The following CR2 variants were observed in gnomAD, a reference collection of about 807,000 sequenced individuals.
The protein encoded by CR2 is complement C3d receptor 2, also known as complement receptor type 2.
CR2 carries 96 observed loss-of-function variants against 123.0 expected under a neutral mutation model. The observed-to-expected ratio is 0.78, with a 90% confidence interval of 0.66 to 0.93. The LOEUF (loss-of-function observed/expected upper bound fraction) is 0.93, where lower values mean the gene tolerates loss of function less well. Among genes scored for constraint, CR2 ranks in the 40% least tolerant of loss-of-function variants. CR2 has a pLI of 0.00. For synonymous variants in CR2, 484 were observed against 469.5 expected, an observed-to-expected ratio of 1.03 and a Z score of -0.40; for missense variants, 1,258 against 1,361.0, an observed-to-expected ratio of 0.92 and a Z score of 1.19.
At chr1:207,484,591 C>A (rs1658697824) in intron 18 of CR2, among the ~76,000 whole-genome samples, 2 of 152,210 alleles carry the variant, frequency 1.3e-5, no homozygotes, top group Admixed American at 6.5e-5. Flanking sequence ...TAACATATCT[C>A]CTGTACACGG....
Position 207,489,860 on chromosome 1 carries a change from C to T in CR2, c.*737C>T, listed in dbSNP as rs1289687661. 1 of 151,756 alleles carries T rather than the reference C, an allele frequency of 6.6e-6. No individual in the cohort carries two copies. Among genetic ancestry groups the T allele is most frequent in the African/African-American group, 2.4e-5 (1 of 41,320 alleles). The allele number at this position is 151,756 out of a possible 1,614,324, so 9.4% of individuals were successfully genotyped here. On this transcript the variant is annotated 3_prime_UTR_variant, in exon 20 of 20. Coordinates refer to ENST00000367057, the MANE Select transcript of CR2 (RefSeq NM_001006658.3). ...TTCACTTAATAATGTGTACATTAGTCATTCAATAAATTGTAATTGTAAAGA... is the reference window on the plus strand; with the variant it reads ...TTCACTTAATAATGTGTACATTAGTTATTCAATAAATTGTAATTGTAAAGA...
intron 1 of CR2, among the ~76,000 whole-genome samples, chr1:207,460,640 G>A (rs1657942552): frequency 6.6e-6 from 1 of 151,990 alleles, no homozygotes; most frequent in Non-Finnish European, 1.5e-5. Flanking sequence ...TCAGTTTAGG[G>A]CGTTGAAACT....
intron 1 of CR2, among the ~76,000 whole-genome samples, chr1:207,464,279 A>C (rs1292656766): frequency 1.3e-5 from 2 of 152,242 alleles, no homozygotes; most frequent in East Asian, 3.8e-4. Flanking sequence ...GAATTTCAAC[A>C]AAATAGGTAA....
At chr1:207,469,123 T>C (rs200630015) in intron 4 of CR2, 27 bp from the exon 5 acceptor site, 3 of 1,602,264 alleles carry the variant, frequency 1.9e-6, no homozygotes, top group Non-Finnish European at 2.6e-6. Context: ...TGCCTAATAG[T>C]TCTGAATGAC....
rs1239698434 is a variant in CR2, at chr1:207,479,270, T to C, written c.3102T>C (p.Pro1034=). 1.3e-6 allele frequency: 2 copies of C among 1,598,564 alleles called. No homozygotes were observed. The highest frequency in any genetic ancestry group is 1.7e-6 in the Non-Finnish European group (2 of 1,166,428). ...TACTATTTTTAGGTTCACTTGCTCC[T>C]GTCCTTTGTGGTAAGTCTTCTTAAA... ...LAVCRSRSLA[P]VLCGIAAGLI... is the part of the protein sequence containing the mutation. The change falls in exon 17 of 20, where the codon CCT becomes CCC. Residue 1034 remains proline (P), a synonymous_variant. Transcript: ENST00000367057.
Position 207,469,820 on chromosome 1 carries a change from T to A in CR2, c.943T>A (p.Phe315Ile). 6.2e-7 allele frequency: 1 copy of A among 1,613,978 alleles called. No homozygotes were observed. The highest frequency in any genetic ancestry group is 8.5e-7 in the Non-Finnish European group (1 of 1,179,932). The change falls in exon 6 of 20, where the codon TTC becomes ATC. Residue 315 changes from phenylalanine to isoleucine, a missense_variant. Transcript: ENST00000367057. The stretch of plus-strand genomic sequence containing the variant: ...CCCGGACCCAGAGGAAGGAGTGAAC[T>A]TCATCCTTATTGGAGAGAGCACTCT... Reference protein sequence around the residue: ...CDPDPEEGVNFILIGESTLRC... With the variant: ...CDPDPEEGVNIILIGESTLRC...
rs17617 is a variant in CR2, at chr1:207,480,050, C to A, written c.3185C>A (p.Ala1062Glu). Residue 1062 changes from alanine (A) to glutamate (E), a missense_variant, in exon 18 of 20, where the codon GCA (alanine) becomes GAA (glutamate). Coordinates refer to ENST00000367057, the MANE Select transcript of CR2 (RefSeq NM_001006658.3). ...TTATACGTGATATCAAAACACAGAG[C>A]ACGGTAAGTTCAAAGGCGAATACTT... The part of the protein sequence containing the change: ...ITLYVISKHR[A>E]RNYYTDTSQK... 1,384,090 of 1,608,866 alleles carry A rather than the reference C, an allele frequency of 0.86. 597,269 individuals carry two copies. Among genetic ancestry groups the A allele is most frequent in the East Asian group, 1 (44,821 of 44,840 alleles).
At chr1:207,463,174 T>C (rs2102298227) in intron 1 of CR2, among the ~76,000 whole-genome samples, 1 of 152,318 alleles carries the variant, frequency 6.6e-6, no homozygotes, top group South Asian at 2.1e-4. Flanking sequence ...CCTTTAGGAC[T>C]CTGTGATTAC....
intron 2 of CR2, among the ~76,000 whole-genome samples, chr1:207,467,697 C>T (rs568699513): frequency 2.0e-5 from 3 of 152,128 alleles, no homozygotes; most frequent in African/African-American, 7.2e-5. Flanking sequence ...GATAAATAGC[C>T]TTGGAGGAAG....
At position 207,454,923 on chromosome 1, in the gene CR2, C is replaced by A. The variant is rs576102661; in HGVS notation, c.58+447C>A. ...GAACCGCGCTCTTGCCCAGCAAAAG[C>A]GGCAGAACCTCGGCTCCCTTCCCTA... On this transcript the variant is annotated intron_variant, in intron 1 of 19. Transcript: ENST00000367057. This position sits in a 1 kb window ranked among gnomAD's most constrained non-coding sequence, Gnocchi z 4.3. 10 of 161,628 alleles carry A rather than the reference C, an allele frequency of 6.2e-5. No individual in the cohort carries two copies. The highest frequency in any genetic ancestry group is 1.1e-4 in the Non-Finnish European group (8 of 74,166). The allele number at this position is 161,628 out of a possible 1,614,324, so 10.0% of individuals were successfully genotyped here.
chr1:207,465,210 G>A (rs1226542879), intron 1 of CR2, among the ~76,000 whole-genome samples: 1 of 152,110 alleles, frequency 6.6e-6, no homozygotes, highest in African/African-American at 2.4e-5. Context: ...GATTACAGAC[G>A]TGAACCACCA....
rs932845682 is a variant in CR2 at position 207,477,865 on chromosome 1, T to C, written c.2903-20T>C. 1 of 1,611,960 alleles carries C rather than the reference T, an allele frequency of 6.2e-7. No homozygotes were observed. The highest frequency in any genetic ancestry group is 1.3e-5 in the African/African-American group (1 of 74,878). ...AGGCCAAAATATGACTGTGCTTGAA[T>C]TAGATTTCTTTAATTTCAGAGGTAA... On this transcript the variant is annotated intron_variant, in intron 15 of 19. Transcript: ENST00000367057.
intron 1 of CR2, among the ~76,000 whole-genome samples, chr1:207,463,713 G>A (rs181035559): frequency 5.3e-5 from 8 of 152,156 alleles, no homozygotes; most frequent in African/African-American, 1.2e-4. Context: ...AACGTGTGCC[G>A]CGAGATTTCT....
rs1658395835 is a variant in CR2, at chr1:207,475,039, T to G, written c.2539T>G (p.Cys847Gly). Residue 847 changes from cysteine (C) to glycine (G), a missense_variant, in exon 14 of 20, where the codon TGC becomes GGC. Physicochemically the swap from Cys to Gly is radical, Grantham distance 159. Coordinates refer to ENST00000367057, the MANE Select transcript of CR2 (RefSeq NM_001006658.3). ...CTTACGATCTCCTCCTGTGACTCGC[T>G]GCCCTAATCCAGAAGTCAAACATGG... ...QCLRSPPVTR[C>G]PNPEVKHGYK... is the part of the protein sequence containing the mutation. 1.2e-6 allele frequency: 2 copies of G among 1,613,880 alleles called. No homozygotes were observed. Among genetic ancestry groups the G allele is most frequent in the Admixed American group, 3.3e-5 (2 of 59,980 alleles).
chr1:207,488,294 G>A (rs559671071), intron 19 of CR2, among the ~76,000 whole-genome samples: 1 of 152,290 alleles, frequency 6.6e-6, no homozygotes, highest in South Asian at 2.1e-4. Flanking sequence ...GCAAGCTCAT[G>A]CCTGAGTTTA....
rs1054520611 is a variant in CR2, at chr1:207,455,843, T to C, written c.58+1367T>C. On this transcript the variant is annotated intron_variant, in intron 1 of 19. Transcript: ENST00000367057. ...CAGCAGCAGCATCATGTAGGTCACT[T>C]AACTGGAGCCCCATGAAATACCAGG... Among the ~76,000 whole-genome samples the C allele has an allele frequency of 2.6e-5, 4 of 152,208 alleles. No individual in the cohort carries two copies. The South Asian group carries it at 8.3e-4, about 32-fold the overall frequency.
At chr1:207,477,512 G>T (rs73072578) in intron 15 of CR2, among the ~76,000 whole-genome samples, 1 of 152,044 alleles carries the variant, frequency 6.6e-6, no homozygotes, top group African/African-American at 2.4e-5. Flanking sequence ...GAGAAAGCAC[G>T]CACATGTATG....
In CR2 at chr1:207,470,721, T is replaced by G; in HGVS notation, c.1226-19T>G. ...TGTTTACTTAAGCAGTTATGTTTTGTTTTTGTCCTTTCATTTAGAATGCCA... is the reference window on the plus strand; with the variant it reads ...TGTTTACTTAAGCAGTTATGTTTTGGTTTTGTCCTTTCATTTAGAATGCCA... On this transcript the variant is annotated intron_variant, in intron 6 of 19. Coordinates refer to ENST00000367057, the MANE Select transcript of CR2 (RefSeq NM_001006658.3). 6.2e-7 allele frequency: 1 copy of G among 1,613,152 alleles called. No individual in the cohort carries two copies. Among genetic ancestry groups the G allele is most frequent in the Non-Finnish European group, 8.5e-7 (1 of 1,179,304 alleles).
chr1:207,482,243 A>C (rs1162942976), intron 18 of CR2, among the ~76,000 whole-genome samples: 1 of 152,146 alleles, frequency 6.6e-6, no homozygotes, highest in Admixed American at 6.5e-5. Flanking sequence ...TATTTGCATA[A>C]ATTTTTAAAA....
Sources: allele counts gnomAD v4.1 joint callset (sites outside exome capture counted in the v4.1 genomes callset), GRCh38; gene constraint gnomAD v4.1.1; non-coding constraint Gnocchi (gnomAD v3.1); transcripts MANE v1.5; gene names NCBI Gene and HGNC (gene_info 2026-07-23, HGNC 2026-07-21).